CDH13: variants seen among roughly 807,000 people sequenced by gnomAD.
The protein encoded by CDH13 is cadherin-13.
In CDH13, 24 loss-of-function variants were observed where a neutral mutation model predicts 63.8. The ratio of observed to expected loss-of-function variants is 0.38; its 90% CI spans 0.27 to 0.53. CDH13 has a LOEUF of 0.53. Ranked by LOEUF, CDH13 falls within the 20% of genes least tolerant of loss-of-function variation. The probability of loss-of-function intolerance (pLI) is 0.85; values close to 1 mark genes in which losing one functional copy is unlikely to be tolerated. For missense variants in CDH13, 1,049 were observed against 903.1 expected, an observed-to-expected ratio of 1.16 and a Z score of -2.07; for synonymous variants, 503 against 355.3, an observed-to-expected ratio of 1.42 and a Z score of -4.67.
intron 1 of CDH13, among the ~76,000 whole-genome samples, chr16:82,840,034 T>A (rs1744154769): frequency 6.6e-6 from 1 of 152,202 alleles, no homozygotes; most frequent in South Asian, 2.1e-4. Flanking sequence ...TTATGTTCCT[T>A]CAAACTATTT....
At chr16:83,222,295 C>G (rs969835033) in intron 5 of CDH13, among the ~76,000 whole-genome samples, 1 of 152,198 alleles carries the variant, frequency 6.6e-6, no homozygotes, top group Non-Finnish European at 1.5e-5. Context: ...TGAAATACAA[C>G]TGGCATTCAG....
At chr16:82,825,585 C>T (rs965747205) in intron 1 of CDH13, 9 of 150,832 alleles carry the variant, frequency 6.0e-5, no homozygotes, top group Non-Finnish European at 4.4e-5. Context: ...TCTGTTGCCC[C>T]GGCTGGAGTG....
At chr16:83,529,250 G>T (rs1176079264) in intron 7 of CDH13, among the ~76,000 whole-genome samples, 1 of 152,094 alleles carries the variant, frequency 6.6e-6, no homozygotes, top group African/African-American at 2.4e-5. Flanking sequence ...TGGAATCCTA[G>T]CTTTGCAGTG....
chr16:83,416,779 G>T (rs551876372), intron 6 of CDH13, among the ~76,000 whole-genome samples: 1 of 152,214 alleles, frequency 6.6e-6, no homozygotes, highest in African/African-American at 2.4e-5. Context: ...TCAAATCCTG[G>T]CTCTGCCACT....
At chr16:83,515,563 G>A (rs535280985) in intron 7 of CDH13, among the ~76,000 whole-genome samples, 45 of 152,216 alleles carry the variant, frequency 3.0e-4, no homozygotes, top group African/African-American at 1.1e-3. Context: ...GATTCACTGG[G>A]GTGATTGACT....
chr16:83,406,528 A>G lies in CDH13; in HGVS notation c.781+61522A>G, dbSNP rs143654230. Among the ~76,000 whole-genome samples, 429 of 151,786 alleles carry G rather than the reference A, an allele frequency of 2.8e-3. 5 individuals carry two copies. The East Asian group carries it at 0.03, about 11-fold the overall frequency. ...GCCCAGGCTGGAGTGCAATGGCACA[A>G]TCTTGTCTCACTGCAACCTCTGCCT... On this transcript the variant is annotated intron_variant, in intron 6 of 13. Transcript: ENST00000567109.
intron 3 of CDH13, among the ~76,000 whole-genome samples, chr16:83,084,596 A>G (rs1375820620): frequency 2.0e-5 from 3 of 152,242 alleles, no homozygotes; most frequent in Non-Finnish European, 4.4e-5. Context: ...CTGATTTAAA[A>G]TAGCTTAAGT....
At chr16:82,779,984 C>T (rs572949966) in intron 1 of CDH13, among the ~76,000 whole-genome samples, 1 of 152,290 alleles carries the variant, frequency 6.6e-6, no homozygotes, top group South Asian at 2.1e-4. Flanking sequence ...TTAGGGGATG[C>T]AGTCTCTGCC....
At chr16:82,874,421 C>T (rs2040438609) in intron 2 of CDH13, among the ~76,000 whole-genome samples, 1 of 152,058 alleles carries the variant, frequency 6.6e-6, no homozygotes, top group African/African-American at 2.4e-5. Context: ...CTTGTGAACA[C>T]CTTGGTAAAT....
intron 1 of CDH13, among the ~76,000 whole-genome samples, chr16:82,733,493 C>G (rs574998997): frequency 6.6e-6 from 1 of 152,196 alleles, no homozygotes; most frequent in East Asian, 1.9e-4. Flanking sequence ...GGAAAGAGTT[C>G]ATGATTTGGC....
chr16:83,738,340 T>C (rs1312299172), intron 10 of CDH13, among the ~76,000 whole-genome samples: 2 of 152,246 alleles, frequency 1.3e-5, no homozygotes, highest in Middle Eastern at 3.2e-3. Flanking sequence ...AAAACGTGTG[T>C]GTTTATGTAT....
intron 1 of CDH13, among the ~76,000 whole-genome samples, chr16:82,830,182 TATA>T (rs2038467820): frequency 6.6e-6 from 1 of 152,168 alleles, no homozygotes; most frequent in South Asian, 2.1e-4. Flanking sequence ...GTGTGAAACT[TATA>T]ATAAAAGCCA....
intron 2 of CDH13, among the ~76,000 whole-genome samples, chr16:82,946,446 G>A (rs1159513263): frequency 6.6e-6 from 1 of 152,156 alleles, no homozygotes; most frequent in Non-Finnish European, 1.5e-5. Context: ...TAGGCCAGGT[G>A]TGGTGGCTGA....
intron 1 of CDH13, among the ~76,000 whole-genome samples, chr16:82,746,022 TC>T: frequency 6.6e-6 from 1 of 152,224 alleles, no homozygotes; most frequent in Non-Finnish European, 1.5e-5. Flanking sequence ...TACACTGTCT[TC>T]ATCATTAGTC....
At chr16:83,743,751 T>TTTTC (rs1912286029) in intron 10 of CDH13, among the ~76,000 whole-genome samples, 2 of 122,570 alleles carry the variant, frequency 1.6e-5, no homozygotes, top group African/African-American at 3.3e-5. Flanking sequence ...CTTTTTTCTT[T>TTTTC]TTTTTTTTTT....
chr16:82,647,817 T>A (rs946771908), intron 1 of CDH13, among the ~76,000 whole-genome samples: 2 of 152,148 alleles, frequency 1.3e-5, no homozygotes, highest in African/African-American at 4.8e-5. Flanking sequence ...CAGTGTCTAA[T>A]GTGGTAAGTA....
At chr16:82,825,359 T>A (rs1160335208) in intron 1 of CDH13, 3 of 152,154 alleles carry the variant, frequency 2.0e-5, no homozygotes, top group Admixed American at 6.6e-5. Flanking sequence ...GGAGTCTGCT[T>A]TGTATTGTGC....
chr16:83,281,724 C>T (rs2089180959), intron 5 of CDH13, among the ~76,000 whole-genome samples: 1 of 149,078 alleles, frequency 6.7e-6, no homozygotes, highest in Non-Finnish European at 1.5e-5. Flanking sequence ...GCCTGGCCAA[C>T]ATAGTAAAAC....
At chr16:83,006,912 G>GTTT (rs1567737600) in intron 2 of CDH13, among the ~76,000 whole-genome samples, 2 of 122,926 alleles carry the variant, frequency 1.6e-5, no homozygotes, top group African/African-American at 6.0e-5. Flanking sequence ...TTTTTTGTTT[G>GTTT]TTTGTTTGTT....
Sources: allele counts gnomAD v4.1 joint callset (sites outside exome capture counted in the v4.1 genomes callset), GRCh38; gene constraint gnomAD v4.1.1; transcripts MANE v1.5; gene names NCBI Gene and HGNC (gene_info 2026-07-23, HGNC 2026-07-21).